ROBO2: variants seen among roughly 807,000 people sequenced by gnomAD.
The protein encoded by ROBO2 is roundabout homolog 2.
Under a neutral mutation model 160.8 loss-of-function variants are expected in ROBO2, and 53 were observed. The observed-to-expected ratio is 0.33, with a 90% CI of 0.26 to 0.41. The LOEUF is 0.41. Ranked by LOEUF, ROBO2 falls within the 10% of genes least tolerant of loss-of-function variation. The pLI is 1.00. For synonymous variants in ROBO2, 664 were observed against 611.7 expected, an observed-to-expected ratio of 1.09 and a Z score of -1.26; for missense variants, 1,577 against 1,722.4, an observed-to-expected ratio of 0.92 and a Z score of 1.49.
In ROBO2 at chr3:76,110,278, C is replaced by T. The variant is rs191213797; in HGVS notation, c.109+172676C>T. Among the ~76,000 whole-genome samples the T allele has an allele frequency of 2.0e-5, 3 of 151,976 alleles. No individual in the cohort carries two copies. In the East Asian group the frequency reaches 5.8e-4, roughly 29 times the overall value. The stretch of plus-strand genomic sequence containing the variant: ...TTTTTAATTCTCAGAACAACCCTAC[C>T]AGGTAAGTACTATTATTATATCCTT... On this transcript the variant is annotated intron_variant, in intron 2 of 26. Coordinates refer to the ROBO2 transcript ENST00000487694.
intron 2 of ROBO2, among the ~76,000 whole-genome samples, chr3:76,902,266 G>A (rs747239992): frequency 6.6e-6 from 1 of 151,630 alleles, no homozygotes; most frequent in Non-Finnish European, 1.5e-5. Flanking sequence ...TTATACTAGT[G>A]GTCTTATTTT....
intron 9 of ROBO2, among the ~76,000 whole-genome samples, chr3:77,561,051 T>C (rs2093306040): frequency 6.6e-6 from 1 of 152,138 alleles, no homozygotes; most frequent in Admixed American, 6.6e-5. Context: ...CTCTGTGTAA[T>C]AGAAGACAAT....
At chr3:77,363,501 T>G (rs985219545) in intron 2 of ROBO2, among the ~76,000 whole-genome samples, 2 of 152,156 alleles carry the variant, frequency 1.3e-5, no homozygotes, top group African/African-American at 4.8e-5. Flanking sequence ...TAATCAAAGA[T>G]TTATGTGACC....
intron 2 of ROBO2, among the ~76,000 whole-genome samples, chr3:76,729,576 C>T (rs958040431): frequency 2.9e-4 from 44 of 150,944 alleles, no homozygotes; most frequent in Non-Finnish European, 5.5e-4. Context: ...TATATTTAAA[C>T]ATTCTGAATA....
At chr3:76,976,543 G>A (rs1309826994) in intron 2 of ROBO2, among the ~76,000 whole-genome samples, 1 of 152,112 alleles carries the variant, frequency 6.6e-6, no homozygotes, top group African/African-American at 2.4e-5. Context: ...CTGGTAAGTA[G>A]CCTCATGTGT....
At chr3:77,106,897 G>C (rs1052952804) in intron 2 of ROBO2, among the ~76,000 whole-genome samples, 4 of 152,152 alleles carry the variant, frequency 2.6e-5, no homozygotes, top group African/African-American at 9.7e-5. Context: ...CCCCAGGTTG[G>C]GTTGTTTCTC....
chr3:77,121,002 T>A (rs558155093), intron 2 of ROBO2, among the ~76,000 whole-genome samples: 52 of 152,244 alleles, frequency 3.4e-4, no homozygotes, highest in Middle Eastern at 6.8e-3. Flanking sequence ...TGGAGTACTG[T>A]GGCGCGATCT....
At chr3:77,364,905 C>T (rs767560764) in intron 2 of ROBO2, among the ~76,000 whole-genome samples, 2 of 151,856 alleles carry the variant, frequency 1.3e-5, no homozygotes, top group African/African-American at 2.4e-5. Flanking sequence ...GCTGAATAGC[C>T]AAGGATAAGC....
chr3:76,137,688 A>G (rs1371998475), intron 2 of ROBO2, among the ~76,000 whole-genome samples: 3 of 151,868 alleles, frequency 2.0e-5, no homozygotes, highest in African/African-American at 2.4e-5. Context: ...TCTGGAGAAT[A>G]TAGGACAGAA....
chr3:76,147,319 C>A (rs1222039962), intron 2 of ROBO2, among the ~76,000 whole-genome samples: 1 of 151,358 alleles, frequency 6.6e-6, no homozygotes, highest in African/African-American at 2.4e-5. Flanking sequence ...ACATATTCAA[C>A]ATTTTATAAA....
At chr3:77,418,515 C>T (rs1428512541) in intron 2 of ROBO2, among the ~76,000 whole-genome samples, 1 of 152,008 alleles carries the variant, frequency 6.6e-6, no homozygotes, top group Non-Finnish European at 1.5e-5. Flanking sequence ...TTTATATTTT[C>T]TCATTTTCTT....
At chr3:76,559,280 G>A (rs897654712) in intron 2 of ROBO2, among the ~76,000 whole-genome samples, 1 of 152,122 alleles carries the variant, frequency 6.6e-6, no homozygotes, top group East Asian at 1.9e-4. Context: ...CAATATATTA[G>A]GGGAAGATAG....
intron 2 of ROBO2, among the ~76,000 whole-genome samples, chr3:76,531,269 T>A (rs2082209913): frequency 6.6e-6 from 1 of 152,144 alleles, no homozygotes; most frequent in South Asian, 2.1e-4. Context: ...ACCAAATGCA[T>A]CTACACCATA....
chr3:77,081,456 C>A (rs59046100), intron 1 of ROBO2, among the ~76,000 whole-genome samples: 3,906 of 152,208 alleles, frequency 0.026, 150 homozygotes, highest in African/African-American at 0.089. Context: ...TATTCATAAC[C>A]ATCAGGCAAA....
intron 2 of ROBO2, among the ~76,000 whole-genome samples, chr3:76,853,514 T>C (rs1045871013): frequency 1.3e-5 from 2 of 152,154 alleles, no homozygotes; most frequent in Non-Finnish European, 2.9e-5. Context: ...TTAGAGTCAA[T>C]GTGATAAGTA....
At chr3:76,453,247 G>T (rs2077568451) in intron 2 of ROBO2, among the ~76,000 whole-genome samples, 1 of 152,146 alleles carries the variant, frequency 6.6e-6, no homozygotes, top group Admixed American at 6.5e-5. Flanking sequence ...TGAAGTCCTT[G>T]TCCATGCCTA....
Position 76,101,465 on chromosome 3 carries a change from C to T in ROBO2, c.109+163863C>T, listed in dbSNP as rs192465368. Among the ~76,000 whole-genome samples, 31 of 152,178 alleles carry T rather than the reference C, an allele frequency of 2.0e-4. 1 individual carries two copies. The highest frequency in any genetic ancestry group is 2.0e-3 in the Admixed American group (30 of 15,304). On this transcript the variant is annotated intron_variant, in intron 2 of 26. Coordinates refer to the ROBO2 transcript ENST00000487694. ...AAAGTATTCAGAACTCAGGAGAGGT[C>T]TAAGCTGGAGATATACATTTTGGAG...
chr3:76,920,014 T>C (rs575284341), intron 2 of ROBO2, among the ~76,000 whole-genome samples: 2 of 152,308 alleles, frequency 1.3e-5, no homozygotes, highest in Admixed American at 1.3e-4. Context: ...ACATAATTTG[T>C]AAAGCCCAGT....
intron 11 of ROBO2, chr3:77,564,468 TCA>T (rs1183625192): frequency 2.2e-6 from 1 of 455,850 alleles, no homozygotes; most frequent in Non-Finnish European, 4.4e-6. Context: ...TTTAGAAGGC[TCA>T]GTTATAATAT....
Sources: allele counts gnomAD v4.1 joint callset (sites outside exome capture counted in the v4.1 genomes callset), GRCh38; gene constraint gnomAD v4.1.1; transcripts MANE v1.5; gene names NCBI Gene and HGNC (gene_info 2026-07-23, HGNC 2026-07-21).